FHIT: variants seen among roughly 807,000 people sequenced by gnomAD.
The protein encoded by FHIT is fragile histidine triad diadenosine triphosphatase.
Under a neutral mutation model 17.9 loss-of-function variants are expected in FHIT, and 19 were observed. The ratio of observed to expected loss-of-function variants is 1.06; its 90% confidence interval spans 0.74 to 1.56. The LOEUF is 1.56. Ranked by LOEUF, FHIT falls within the 40% of genes most tolerant of loss-of-function variation. FHIT has a pLI of 0.00. For missense variants in FHIT, 248 were observed against 189.2 expected (o/e 1.31, Z -1.82); for synonymous variants, 81 against 69.7 (o/e 1.16, Z -0.81).
intron 5 of FHIT, among the ~76,000 whole-genome samples, chr3:60,089,485 T>C (rs1015680711): frequency 6.6e-6 from 1 of 152,052 alleles, no homozygotes; most frequent in Middle Eastern, 3.2e-3. Flanking sequence ...GGATGGATGG[T>C]TGAGTGGATA....
At chr3:60,648,594 C>T (rs2039917784) in intron 4 of FHIT, among the ~76,000 whole-genome samples, 1 of 152,158 alleles carries the variant, frequency 6.6e-6, no homozygotes, top group Non-Finnish European at 1.5e-5. Flanking sequence ...AAGGGGGGCA[C>T]TTACATATAG....
chr3:60,133,630 G>C (rs977657595), intron 5 of FHIT, among the ~76,000 whole-genome samples: 1 of 152,014 alleles, frequency 6.6e-6, no homozygotes, highest in Non-Finnish European at 1.5e-5. Context: ...CCAGGGGGCA[G>C]AGTCACCTAC....
chr3:60,631,123 C>T (rs1419665850), intron 4 of FHIT, among the ~76,000 whole-genome samples: 1 of 152,030 alleles, frequency 6.6e-6, no homozygotes, highest in African/African-American at 2.4e-5. Context: ...GTCAAGTTGT[C>T]ATTAGATGCT....
At chr3:60,814,569 G>T (rs1332805988) in intron 4 of FHIT, among the ~76,000 whole-genome samples, 2 of 152,144 alleles carry the variant, frequency 1.3e-5, no homozygotes, top group African/African-American at 4.8e-5. Flanking sequence ...AATATCCCAT[G>T]ATATACATGT....
chr3:60,795,924 A>G (rs1388864315), intron 4 of FHIT, among the ~76,000 whole-genome samples: 2 of 152,220 alleles, frequency 1.3e-5, no homozygotes, highest in Admixed American at 6.5e-5. Flanking sequence ...TGATGAAGAC[A>G]TACCCAAGAC....
chr3:61,193,138 A>G (rs1339586361), intron 2 of FHIT, among the ~76,000 whole-genome samples: 2 of 152,250 alleles, frequency 1.3e-5, no homozygotes, highest in African/African-American at 2.4e-5. Flanking sequence ...ACATCCCAGC[A>G]GAAAGGTCCA....
At chr3:59,755,967 T>A (rs571303777) in intron 8 of FHIT, among the ~76,000 whole-genome samples, 46 of 152,290 alleles carry the variant, frequency 3.0e-4, no homozygotes, top group Admixed American at 6.5e-4. Flanking sequence ...TCTTTGTGTC[T>A]CAGTTTTCCC....
intron 5 of FHIT, among the ~76,000 whole-genome samples, chr3:60,462,220 C>T (rs1559934263): frequency 6.6e-6 from 1 of 152,204 alleles, no homozygotes; most frequent in Non-Finnish European, 1.5e-5. Context: ...CCATTCTAGA[C>T]ATCAGCTGCC....
chr3:61,049,618 A>G (rs1353151681), intron 2 of FHIT, among the ~76,000 whole-genome samples: 1 of 152,196 alleles, frequency 6.6e-6, no homozygotes, highest in Non-Finnish European at 1.5e-5. Context: ...TAGGACATAC[A>G]TAGCACCATC....
rs149813724 is a variant in FHIT at position 60,899,085 on chromosome 3, C to T, written c.-110-77074G>A. Among the ~76,000 whole-genome samples the T allele has an allele frequency of 5.5e-3, 836 of 152,228 alleles. 4 individuals carry two copies. The highest frequency in any genetic ancestry group is 0.019 in the African/African-American group (804 of 41,532). Reference sequence around the variant, plus strand: ...AACATGTAACTACTACAGATAAATCCGCTACTTTGAACACCCTAATTATCC... The same window carrying T: ...AACATGTAACTACTACAGATAAATCTGCTACTTTGAACACCCTAATTATCC... On this transcript the variant is annotated intron_variant, in intron 3 of 9. Transcript: ENST00000492590.
chr3:60,029,380 G>A (rs1320147516), intron 5 of FHIT, among the ~76,000 whole-genome samples: 1 of 152,138 alleles, frequency 6.6e-6, no homozygotes. Context: ...TAGGTAACAG[G>A]CCACAAATTT....
intron 4 of FHIT, among the ~76,000 whole-genome samples, chr3:60,665,455 T>C (rs2040358768): frequency 6.6e-6 from 1 of 152,060 alleles, no homozygotes; most frequent in Admixed American, 6.5e-5. Context: ...TTTGAGGCTC[T>C]GTTATTTGGT....
intron 4 of FHIT, among the ~76,000 whole-genome samples, chr3:60,783,764 G>T (rs1676012018): frequency 6.6e-6 from 1 of 152,188 alleles, no homozygotes; most frequent in African/African-American, 2.4e-5. Flanking sequence ...AGAAAATGGA[G>T]ATGATGATGC....
At chr3:60,288,422 A>G (rs948310189) in intron 5 of FHIT, among the ~76,000 whole-genome samples, 2 of 152,186 alleles carry the variant, frequency 1.3e-5, no homozygotes, top group Non-Finnish European at 2.9e-5. Flanking sequence ...TCCAGCATCT[A>G]TAAAATGAGA....
intron 4 of FHIT, among the ~76,000 whole-genome samples, chr3:60,756,696 A>T (rs1699434732): frequency 6.6e-6 from 1 of 152,222 alleles, no homozygotes; most frequent in African/African-American, 2.4e-5. Context: ...ATCACCTGTG[A>T]TCCTAAAACA....
chr3:59,953,518 G>C (rs10866032), intron 7 of FHIT, among the ~76,000 whole-genome samples: 138,653 of 152,220 alleles, frequency 0.91, 63,828 homozygotes, highest in East Asian at 1. Flanking sequence ...TACCTTGGTC[G>C]AAACACTTGC....
chr3:59,781,475 T>C (rs1702579625), intron 8 of FHIT, among the ~76,000 whole-genome samples: 1 of 152,194 alleles, frequency 6.6e-6, no homozygotes, highest in Non-Finnish European at 1.5e-5. Flanking sequence ...CCAGGAGAAT[T>C]TTGTTTGACC....
chr3:60,079,411 G>A (rs1703177119), intron 5 of FHIT, among the ~76,000 whole-genome samples: 2 of 152,180 alleles, frequency 1.3e-5, no homozygotes, highest in Admixed American at 6.5e-5. Flanking sequence ...TTCTTGAGAA[G>A]AGGGGTTATT....
At chr3:60,723,362 T>C (rs1361242777) in intron 4 of FHIT, among the ~76,000 whole-genome samples, 4 of 152,194 alleles carry the variant, frequency 2.6e-5, no homozygotes, top group African/African-American at 9.6e-5. Context: ...AACAGTTCCC[T>C]ACACTAATAT....
Sources: allele counts gnomAD v4.1 joint callset (sites outside exome capture counted in the v4.1 genomes callset), GRCh38; gene constraint gnomAD v4.1.1; transcripts MANE v1.5; gene names NCBI Gene and HGNC (gene_info 2026-07-23, HGNC 2026-07-21).